Variants in ANXA10 observed in about 807,000 individuals in gnomAD.
The protein encoded by ANXA10 is annexin A10, also known as annexin 14.
Under a neutral mutation model 53.5 loss-of-function variants are expected in ANXA10, and 49 were observed. The observed-to-expected ratio is 0.92, with a 90% confidence interval of 0.73 to 1.16. ANXA10 has a LOEUF of 1.16. Ranked by LOEUF, ANXA10 falls within the 50% of genes most tolerant of loss-of-function variation. The pLI is 0.00. For synonymous variants in ANXA10, 131 were observed against 128.9 expected (o/e 1.02, Z -0.11); for missense variants, 393 against 394.4 (o/e 1.00, Z 0.03).
At position 168,100,558 on chromosome 4, in the gene ANXA10, AAAC is replaced by A. The variant is rs1730623339; in HGVS notation, c.18+7844_18+7846del. On this transcript the variant is annotated intron_variant, in intron 1 of 11. Coordinates refer to ENST00000359299, the MANE Select transcript of ANXA10 (RefSeq NM_007193.5). ...GGGGTGCTCTTCAAAGTGAAGACAA[AAAC>A]AACTGGGATCTGTTTCCTGCTACAA... Among the ~76,000 whole-genome samples, 2 of 152,038 alleles carry A rather than the reference AAAC, an allele frequency of 1.3e-5. 1 individual carries two copies. The highest frequency in any genetic ancestry group is 4.1e-4 in the South Asian group (2 of 4,828).
chr4:168,153,434 AAAAAAAACAAAAACAAAAACAAAAC>A lies in ANXA10; in HGVS notation c.196-9086_196-9062del, dbSNP rs1235290850. Among the ~76,000 whole-genome samples the A allele has an allele frequency of 3.1e-3, 177 of 56,348 alleles. 2 individuals carry two copies. The highest frequency in any genetic ancestry group is 7.8e-3 in the African/African-American group (122 of 15,668). The allele number at this position is 56,348 out of a possible 152,430, so 37.0% of individuals were successfully genotyped here. ...TAAAAGCCTAAAGCAAAAAAAAAAA[AAAAAAAACAAAAACAAAAACAAAAC>A]AAAAAAAAAAACCAATAACAACAAC... On this transcript the variant is annotated intron_variant, in intron 3 of 11. Coordinates refer to ENST00000359299, the MANE Select transcript of ANXA10 (RefSeq NM_007193.5).
intron 3 of ANXA10, among the ~76,000 whole-genome samples, chr4:168,140,822 G>T (rs1290914049): frequency 6.6e-6 from 1 of 152,148 alleles, no homozygotes; most frequent in African/African-American, 2.4e-5. Flanking sequence ...GTTTCACCAT[G>T]TTAGCCAGGC....
intron 2 of ANXA10, among the ~76,000 whole-genome samples, chr4:168,136,423 A>G (rs1280149233): frequency 6.6e-6 from 1 of 152,172 alleles, no homozygotes; most frequent in Admixed American, 6.5e-5. Flanking sequence ...GTTACTTCCA[A>G]TGTACAATTG....
chr4:168,142,830 C>T (rs1465216493), intron 3 of ANXA10, among the ~76,000 whole-genome samples: 2 of 152,140 alleles, frequency 1.3e-5, no homozygotes, highest in African/African-American at 2.4e-5. Flanking sequence ...CTCTGTGTTT[C>T]CTGCTTGGTT....
chr4:168,138,899 GT>G (rs1161333731), intron 2 of ANXA10, among the ~76,000 whole-genome samples: 1 of 152,074 alleles, frequency 6.6e-6, no homozygotes, highest in African/African-American at 2.4e-5. Context: ...CAGCTTGATT[GT>G]TTTTGGTGTA....
chr4:168,171,460 C>A (rs975684311), intron 6 of ANXA10, among the ~76,000 whole-genome samples: 3 of 152,050 alleles, frequency 2.0e-5, no homozygotes, highest in South Asian at 2.1e-4. Context: ...CTTTTAGAAT[C>A]AAAGGAAAGA....
At position 168,165,341 on chromosome 4, in the gene ANXA10, A is replaced by G; in HGVS notation, c.480+15A>G. ...ACTTGGTCCAGGTATGGCATTCCAA[A>G]ATTTACATTACTTTGCACTATCTAA... On this transcript the variant is annotated intron_variant, in intron 6 of 11. Coordinates refer to ENST00000359299, the MANE Select transcript of ANXA10 (RefSeq NM_007193.5). The G allele has an allele frequency of 6.8e-7, 1 of 1,481,154 alleles. No individual in the cohort carries two copies. The highest frequency in any genetic ancestry group is 9.2e-7 in the Non-Finnish European group (1 of 1,084,114). 91.8% of individuals were successfully genotyped at this position (1,481,154 alleles called of 1,614,324 possible).
chr4:168,102,354 A>G (rs1474273662), intron 1 of ANXA10, among the ~76,000 whole-genome samples: 1 of 152,066 alleles, frequency 6.6e-6, no homozygotes, highest in Non-Finnish European at 1.5e-5. Context: ...TCCTTATAGA[A>G]GACTTCCATT....
chr4:168,094,122 A>G (rs987894178), intron 1 of ANXA10, among the ~76,000 whole-genome samples: 5 of 152,122 alleles, frequency 3.3e-5, no homozygotes, highest in African/African-American at 1.2e-4. Context: ...TAATGTTACT[A>G]TTTATATGCC....
At chr4:168,113,209 G>A (rs560463171) in intron 1 of ANXA10, 11 of 152,524 alleles carry the variant, frequency 7.2e-5, no homozygotes, top group African/African-American at 2.6e-4. Flanking sequence ...TTTATAAAGA[G>A]CAGGAATTTA....
At chr4:168,106,802 TC>T (rs1730727058) in intron 1 of ANXA10, among the ~76,000 whole-genome samples, 1 of 152,210 alleles carries the variant, frequency 6.6e-6, no homozygotes. Flanking sequence ...TCAGATGTTT[TC>T]TGGTTACATG....
At chr4:168,109,369 A>G (rs1413391105) in intron 1 of ANXA10, among the ~76,000 whole-genome samples, 2 of 152,170 alleles carry the variant, frequency 1.3e-5, no homozygotes, top group Admixed American at 6.5e-5. Flanking sequence ...AGTTTTTTTA[A>G]ATTATCAAAA....
chr4:168,182,799 A>C (rs1240583997), intron 10 of ANXA10, among the ~76,000 whole-genome samples: 2 of 150,216 alleles, frequency 1.3e-5, no homozygotes, highest in African/African-American at 4.9e-5. Flanking sequence ...TCACGAGGTC[A>C]GGAGATCTAG....
In ANXA10 at chr4:168,155,794, A is replaced by ATATT. The variant is rs1560783750; in HGVS notation, c.196-6734_196-6733insTATT. 1.6e-3 allele frequency among the ~76,000 whole-genome samples: 41 copies of ATATT among 25,052 alleles called. 5 individuals carry two copies. The highest frequency in any genetic ancestry group is 7.2e-3 in the African/African-American group (40 of 5,518). The allele number at this position is 25,052 out of a possible 152,430, so 16.4% of individuals were successfully genotyped here. A position where few individuals can be genotyped will look rare whatever the true frequency, so the allele number is the denominator to read the frequency against. On this transcript the variant is annotated intron_variant, in intron 3 of 11. Transcript: ENST00000359299. ...ATATCATATATTATATATTATATAT[A>ATATT]ATATATAATATATGATATATTATAT...
intron 6 of ANXA10, among the ~76,000 whole-genome samples, chr4:168,168,104 G>C (rs1218158841): frequency 2.0e-4 from 30 of 152,140 alleles, no homozygotes; most frequent in Admixed American, 2.0e-3. Flanking sequence ...AAGCTCACAG[G>C]AAGACCTGAA....
At chr4:168,109,969 G>C (rs1730777526) in intron 1 of ANXA10, among the ~76,000 whole-genome samples, 1 of 152,310 alleles carries the variant, frequency 6.6e-6, no homozygotes. Flanking sequence ...CCAGCACTTC[G>C]GGAGGCCGAG....
intron 1 of ANXA10, among the ~76,000 whole-genome samples, chr4:168,127,037 G>A (rs942958482): frequency 6.6e-6 from 1 of 152,102 alleles, no homozygotes; most frequent in African/African-American, 2.4e-5. Context: ...CTGAGTTCAT[G>A]TCAGGGCCTA....
chr4:168,149,155 G>A (rs868776217), intron 3 of ANXA10, among the ~76,000 whole-genome samples: 7 of 151,788 alleles, frequency 4.6e-5, no homozygotes, highest in East Asian at 3.9e-4. Context: ...GTACATTTTT[G>A]TCTAAATAGC....
intron 3 of ANXA10, among the ~76,000 whole-genome samples, chr4:168,148,246 C>T (rs918001310): frequency 7.3e-5 from 11 of 151,546 alleles, no homozygotes; most frequent in African/African-American, 2.7e-4. Flanking sequence ...CAGCTCACTG[C>T]AACCTCTGTC....
Sources: gnomAD v4.1 joint callset for allele counts (sites outside exome capture counted in the v4.1 genomes callset) on GRCh38, gnomAD v4.1.1 for gene constraint, MANE v1.5 for transcripts, NCBI Gene and HGNC (gene_info 2026-07-23, HGNC 2026-07-21) for gene names.